TMEM132D: variants seen among roughly 807,000 people sequenced by gnomAD.
TMEM132D encodes mature OL transmembrane protein.
TMEM132D carries 21 observed loss-of-function variants against 62.3 expected under a neutral mutation model. The observed-to-expected ratio is 0.34, with a 90% CI of 0.24 to 0.49. The LOEUF (loss-of-function observed/expected upper bound fraction) is 0.49, where lower values mean the gene tolerates loss of function less well. Among genes scored for constraint, TMEM132D ranks in the 20% least tolerant of loss-of-function variants. TMEM132D has a pLI of 0.99. For missense variants in TMEM132D, 1,346 were observed against 1,402.8 expected, an observed-to-expected ratio of 0.96 and a Z score of 0.65; for synonymous variants, 621 against 575.6, an observed-to-expected ratio of 1.08 and a Z score of -1.13.
rs1039312445 is a variant in TMEM132D, at chr12:129,626,286, T to C, written c.968+73524A>G. On this transcript the variant is annotated intron_variant, in intron 2 of 8. Transcript: ENST00000422113. ...TGTTTGTTTTTGTTCGTGAAACCCT[T>C]AATATCCCAAAGAACATAATCGAAG... 4.6e-5 allele frequency among the ~76,000 whole-genome samples: 7 copies of C among 152,270 alleles called. No homozygotes were observed. In the East Asian group the frequency reaches 1.2e-3, roughly 25 times the overall value.
intron 5 of TMEM132D, among the ~76,000 whole-genome samples, chr12:129,103,032 T>C (rs1487523940): frequency 2.0e-5 from 3 of 152,202 alleles, no homozygotes; most frequent in South Asian, 4.1e-4. Context: ...AAAGTAAACA[T>C]CGTGGAAGGC....
intron 1 of TMEM132D, among the ~76,000 whole-genome samples, chr12:129,722,243 A>T (rs4237837): frequency 6.6e-6 from 1 of 152,044 alleles, no homozygotes; most frequent in South Asian, 2.1e-4. Flanking sequence ...TGCTGCAGAC[A>T]CACAATCTGT....
chr12:129,813,356 C>T (rs117174404), intron 1 of TMEM132D, among the ~76,000 whole-genome samples: 1 of 151,836 alleles, frequency 6.6e-6, no homozygotes, highest in Non-Finnish European at 1.5e-5. Context: ...AATTTCCCTG[C>T]TTAACACCCT....
intron 1 of TMEM132D, among the ~76,000 whole-genome samples, chr12:129,831,975 TCCCCCTGCCTCAG>T (rs137930306): frequency 0.18 from 25,569 of 141,690 alleles, 2,387 homozygotes; most frequent in South Asian, 0.28. Context: ...GTTCCAGAGA[TCCCCCTGCCTCAG>T]CCTCCCGAGT....
intron 3 of TMEM132D, among the ~76,000 whole-genome samples, chr12:129,344,980 A>T (rs564286513): frequency 6.6e-6 from 1 of 152,058 alleles, no homozygotes; most frequent in Admixed American, 6.6e-5. Flanking sequence ...ATTGAGAAGC[A>T]CAAGGATGGA....
chr12:129,228,049 T>G (rs931429096), intron 4 of TMEM132D, among the ~76,000 whole-genome samples: 4 of 152,242 alleles, frequency 2.6e-5, no homozygotes, highest in African/African-American at 9.6e-5. Context: ...ATGATGAATT[T>G]GTTTCCCCCT....
chr12:129,204,016 A>C (rs1878777766), intron 5 of TMEM132D, among the ~76,000 whole-genome samples: 1 of 152,246 alleles, frequency 6.6e-6, no homozygotes, highest in Non-Finnish European at 1.5e-5. Flanking sequence ...AGAAGAAAAG[A>C]GCCAAAAAAC....
At chr12:129,533,737 C>T (rs11060408) in intron 2 of TMEM132D, among the ~76,000 whole-genome samples, 29,416 of 152,108 alleles carry the variant, frequency 0.19, 3,217 homozygotes, top group East Asian at 0.41. Context: ...AAGCTATAGT[C>T]GGTAGCATTA....
chr12:129,181,492 T>A (rs1236691997), intron 5 of TMEM132D, among the ~76,000 whole-genome samples: 1 of 152,212 alleles, frequency 6.6e-6, no homozygotes, highest in African/African-American at 2.4e-5. Context: ...CTTAAGGACA[T>A]TCAGTGGCTC....
intron 1 of TMEM132D, among the ~76,000 whole-genome samples, chr12:129,870,330 A>G (rs1874200276): frequency 6.6e-6 from 1 of 152,068 alleles, no homozygotes; most frequent in Non-Finnish European, 1.5e-5. Context: ...ACCCTTAGAT[A>G]ATTTCAAGGG....
At chr12:129,613,668 C>T (rs1285821903) in intron 2 of TMEM132D, among the ~76,000 whole-genome samples, 1 of 152,228 alleles carries the variant, frequency 6.6e-6, no homozygotes, top group East Asian at 1.9e-4. Flanking sequence ...GCATCAGAAC[C>T]GAGAGGACTG....
At chr12:129,401,771 G>A (rs35225191) in intron 3 of TMEM132D, among the ~76,000 whole-genome samples, 28,199 of 152,008 alleles carry the variant, frequency 0.19, 2,981 homozygotes, top group Non-Finnish European at 0.25. Flanking sequence ...CAGTCTGTGT[G>A]CCCTTCTCTC....
At chr12:129,416,759 T>C (rs1380028884) in intron 3 of TMEM132D, among the ~76,000 whole-genome samples, 4 of 152,232 alleles carry the variant, frequency 2.6e-5, no homozygotes, top group Admixed American at 1.3e-4. Flanking sequence ...TGAAGGGATG[T>C]TGAATTTTAT....
chr12:129,787,025 A>G (rs1871265190), intron 1 of TMEM132D, among the ~76,000 whole-genome samples: 1 of 152,150 alleles, frequency 6.6e-6, no homozygotes, highest in Non-Finnish European at 1.5e-5. Flanking sequence ...GGCCACCAGG[A>G]TCCCCGCTGG....
chr12:129,497,734 G>A (rs7969121), intron 3 of TMEM132D, among the ~76,000 whole-genome samples: 66,092 of 151,576 alleles, frequency 0.44, 15,233 homozygotes, highest in Non-Finnish European at 0.52. Flanking sequence ...ATCACAGCTC[G>A]CTACAGCCTC....
intron 2 of TMEM132D, among the ~76,000 whole-genome samples, chr12:129,677,583 A>T (rs1266790585): frequency 1.3e-5 from 2 of 152,214 alleles, no homozygotes; most frequent in East Asian, 1.9e-4. Flanking sequence ...AAATTTTGAC[A>T]TGTATTATAT....
At chr12:129,475,976 T>C (rs1874244395) in intron 3 of TMEM132D, among the ~76,000 whole-genome samples, 1 of 152,202 alleles carries the variant, frequency 6.6e-6, no homozygotes, top group Admixed American at 6.5e-5. Context: ...TGGAGTCAAG[T>C]TTTATGCTCA....
chr12:129,605,587 T>TTATATATATA (rs71301340), intron 2 of TMEM132D, among the ~76,000 whole-genome samples: 13,092 of 107,086 alleles, frequency 0.12, 1,411 homozygotes, highest in Middle Eastern at 0.17. Context: ...AAATTAGGCA[T>TTATATATATA]TATATATATA....
chr12:129,228,012 T>A (rs1879528667), intron 4 of TMEM132D, among the ~76,000 whole-genome samples: 1 of 152,222 alleles, frequency 6.6e-6, no homozygotes, highest in Admixed American at 6.5e-5. Context: ...TGCCTGGGCA[T>A]CCCAGGACAT....
Sources: allele counts gnomAD v4.1 joint callset (sites outside exome capture counted in the v4.1 genomes callset), GRCh38; gene constraint gnomAD v4.1.1; transcripts MANE v1.5; gene names NCBI Gene and HGNC (gene_info 2026-07-23, HGNC 2026-07-21).